Variants in JAKMIP2 observed in about 807,000 individuals in gnomAD.
JAKMIP2 encodes janus kinase and microtubule interacting protein 2, also known as janus kinase and microtubule-interacting protein 2.
Under a neutral mutation model 115.0 loss-of-function variants are expected in JAKMIP2, and 25 were observed. The observed-to-expected ratio is 0.22, with a 90% CI of 0.16 to 0.30. The LOEUF (loss-of-function observed/expected upper bound fraction) is 0.30, where lower values mean the gene tolerates loss of function less well. Among genes scored for constraint, JAKMIP2 ranks in the 10% least tolerant of loss-of-function variants. The probability of loss-of-function intolerance (pLI) is 1.00; values close to 1 mark genes in which losing one functional copy is unlikely to be tolerated. For missense variants in JAKMIP2, 642 were observed against 957.6 expected (o/e 0.67, Z 4.35); for synonymous variants, 334 against 343.6 (o/e 0.97, Z 0.31).
intron 4 of JAKMIP2, 146 bp downstream of exon 4, chr5:147,650,192 G>C: frequency 1.6e-6 from 1 of 626,750 alleles, no homozygotes; most frequent in South Asian, 2.0e-5. Flanking sequence ...AGAAAACCCT[G>C]TTCTCAAGAT....
intron 1 of JAKMIP2, among the ~76,000 whole-genome samples, chr5:147,752,606 A>C (rs1250633963): frequency 6.6e-6 from 1 of 152,106 alleles, no homozygotes; most frequent in Non-Finnish European, 1.5e-5. Context: ...GGGCCTTTGG[A>C]GGAAAAGTTG....
chr5:147,714,080 A>G (rs1752878394), intron 1 of JAKMIP2, among the ~76,000 whole-genome samples: 1 of 152,162 alleles, frequency 6.6e-6, no homozygotes, highest in Admixed American at 6.6e-5. Flanking sequence ...TACTTCACAC[A>G]CAATAAAAGG....
chr5:147,721,553 G>A (rs1753294363), intron 1 of JAKMIP2, among the ~76,000 whole-genome samples: 1 of 152,188 alleles, frequency 6.6e-6, no homozygotes. Context: ...ATCTCGTGGT[G>A]CGCCGTTTTT....
intron 2 of JAKMIP2, among the ~76,000 whole-genome samples, chr5:147,666,170 G>A (rs1759289627): frequency 1.3e-5 from 2 of 152,090 alleles, no homozygotes; most frequent in South Asian, 4.1e-4. Flanking sequence ...TGGAAGAAGT[G>A]TTTTATTCTG....
At chr5:147,709,622 G>A (rs1020775962) in intron 1 of JAKMIP2, among the ~76,000 whole-genome samples, 14 of 152,190 alleles carry the variant, frequency 9.2e-5, no homozygotes, top group Non-Finnish European at 1.6e-4. Context: ...AGGCCGAGGC[G>A]GGTGGATCAT....
At chr5:147,726,131 T>C (rs1753507646) in intron 1 of JAKMIP2, among the ~76,000 whole-genome samples, 1 of 152,194 alleles carries the variant, frequency 6.6e-6, no homozygotes, top group Non-Finnish European at 1.5e-5. Context: ...GCGACCATCT[T>C]GCCCAGACAC....
chr5:147,778,273 G>C (rs534344027), intron 1 of JAKMIP2, among the ~76,000 whole-genome samples: 74 of 152,168 alleles, frequency 4.9e-4, no homozygotes, highest in African/African-American at 1.7e-3. Flanking sequence ...CTTTTTGTGT[G>C]TGTGAGCCTT....
chr5:147,721,094 T>C, intron 1 of JAKMIP2, among the ~76,000 whole-genome samples: 1 of 151,972 alleles, frequency 6.6e-6, no homozygotes, highest in Non-Finnish European at 1.5e-5. Context: ...GCAGGTCTGT[T>C]GGAGTACCCT....
rs559208371 is a variant in JAKMIP2, at chr5:147,612,411, G to T, written c.2347-40C>A. 6.5e-6 allele frequency: 8 copies of T among 1,227,792 alleles called. No homozygotes were observed. The South Asian group carries it at 7.8e-5, about 12-fold the overall frequency. 76.1% of individuals were successfully genotyped at this position (1,227,792 alleles called of 1,614,324 possible). ...GAAAAGAAAGAAAGCATCAGTAGGT[G>T]GTAAGTTGTGCGGAAAAATAATTTA... On this transcript the variant is annotated intron_variant, in intron 19 of 21. Coordinates refer to ENST00000616793, the MANE Select transcript of JAKMIP2 (RefSeq NM_001270941.2).
chr5:147,668,187 G>T (rs1053496610), intron 2 of JAKMIP2, among the ~76,000 whole-genome samples: 17 of 152,274 alleles, frequency 1.1e-4, no homozygotes, highest in Admixed American at 6.5e-4. Context: ...ACCCAGGCCT[G>T]TTGCCCTTCT....
At chr5:147,751,176 A>AT (rs1482312016) in intron 1 of JAKMIP2, among the ~76,000 whole-genome samples, 1 of 150,460 alleles carries the variant, frequency 6.6e-6, no homozygotes, top group Non-Finnish European at 1.5e-5. Context: ...GATTCAAGTG[A>AT]TTCTCCTACC....
intron 1 of JAKMIP2, among the ~76,000 whole-genome samples, chr5:147,726,247 T>C (rs902870383): frequency 1.3e-5 from 2 of 152,168 alleles, no homozygotes; most frequent in African/African-American, 2.4e-5. Flanking sequence ...CAGTTCAATA[T>C]TGGGTGCTAA....
At chr5:147,682,148 T>G (rs185820023) in intron 1 of JAKMIP2, among the ~76,000 whole-genome samples, 1 of 152,102 alleles carries the variant, frequency 6.6e-6, no homozygotes, top group East Asian at 1.9e-4. Flanking sequence ...AGAAGAATAT[T>G]CTAGGCAGAA....
chr5:147,674,681 A>C (rs577966276), intron 1 of JAKMIP2, among the ~76,000 whole-genome samples: 1 of 152,342 alleles, frequency 6.6e-6, no homozygotes, highest in East Asian at 1.9e-4. Context: ...GAAGGGCTTA[A>C]CATACTGTTC....
At chr5:147,661,905 T>C (rs1342742531) in intron 2 of JAKMIP2, 1 of 164,100 alleles carries the variant, frequency 6.1e-6, no homozygotes, top group East Asian at 1.8e-4. Flanking sequence ...CTGGAGAGCT[T>C]TTTAGACTAC....
intron 1 of JAKMIP2, among the ~76,000 whole-genome samples, chr5:147,693,008 C>T (rs1176021723): frequency 6.6e-6 from 1 of 152,086 alleles, no homozygotes; most frequent in Non-Finnish European, 1.5e-5. Flanking sequence ...TGTGTGCCAC[C>T]AATTTTGTAT....
chr5:147,668,392 T>C (rs370844199), intron 2 of JAKMIP2, among the ~76,000 whole-genome samples: 99 of 152,290 alleles, frequency 6.5e-4, no homozygotes, highest in Admixed American at 8.5e-4. Context: ...ATGGGGCAAA[T>C]ACCGCAACTT....
chr5:147,737,750 T>G (rs1753979954), intron 1 of JAKMIP2, among the ~76,000 whole-genome samples: 1 of 152,174 alleles, frequency 6.6e-6, no homozygotes, highest in Non-Finnish European at 1.5e-5. Context: ...CAAAAGAAAT[T>G]TGAGATGTGT....
At chr5:147,764,931 A>AGAGAGAGAGAGG (rs1755074334) in intron 1 of JAKMIP2, among the ~76,000 whole-genome samples, 2 of 100,108 alleles carry the variant, frequency 2.0e-5, no homozygotes, top group Non-Finnish European at 1.9e-5. Flanking sequence ...AGAGAGAGAG[A>AGAGAGAGAGAGG]GAGAGAGAGA....
Sources: allele counts gnomAD v4.1 joint callset (sites outside exome capture counted in the v4.1 genomes callset), GRCh38; gene constraint gnomAD v4.1.1; transcripts MANE v1.5; gene names NCBI Gene and HGNC (gene_info 2026-07-23, HGNC 2026-07-21).